Variants in ESRRB observed in about 807,000 individuals in gnomAD.
ESRRB encodes the protein steroid hormone receptor ERR2.
Under a neutral mutation model 46.0 loss-of-function variants are expected in ESRRB, and 16 were observed. The ratio of observed to expected loss-of-function variants is 0.35; its 90% CI spans 0.24 to 0.53. The LOEUF (loss-of-function observed/expected upper bound fraction) is 0.53, where lower values mean the gene tolerates loss of function less well. Ranked by LOEUF, ESRRB falls within the 20% of genes least tolerant of loss-of-function variation. ESRRB has a pLI of 0.93. For synonymous variants in ESRRB, 246 were observed against 259.6 expected, an observed-to-expected ratio of 0.95 and a Z score of 0.50; for missense variants, 488 against 607.4, an observed-to-expected ratio of 0.80 and a Z score of 2.07.
rs199640171 is a variant in ESRRB at position 76,487,505 on chromosome 14, C to CT, written c.851-3931dup. ...TAATCACATGTATTACATTAGTTAC[C>CT]TTTTTTTTTTTCTATTTTGAATCAT... On this transcript the variant is annotated intron_variant, in intron 5 of 6. Transcript: ENST00000644823. Among the ~76,000 whole-genome samples, 271 of 147,838 alleles carry CT rather than the reference C, an allele frequency of 1.8e-3. 1 individual carries two copies. The highest frequency in any genetic ancestry group is 4.5e-3 in the African/African-American group (181 of 40,496).
chr14:76,413,004 TAAAG>T (rs1886507341), intron 1 of ESRRB, among the ~76,000 whole-genome samples: 1 of 152,092 alleles, frequency 6.6e-6, no homozygotes, highest in African/African-American at 2.4e-5. Context: ...TTTAGAAAAA[TAAAG>T]AAAAGAAGGC....
At chr14:76,489,971 C>T (rs1052941630) in intron 5 of ESRRB, among the ~76,000 whole-genome samples, 10 of 152,346 alleles carry the variant, frequency 6.6e-5, no homozygotes, top group East Asian at 1.9e-4. Flanking sequence ...GTGCTGATGG[C>T]GCCGGGAGAG....
chr14:76,369,966 G>C (rs1484127359), upstream of ESRRB, among the ~76,000 whole-genome samples: 1 of 152,160 alleles, frequency 6.6e-6, no homozygotes, highest in Non-Finnish European at 1.5e-5. Context: ...TTCTTTCTGT[G>C]GCCATTGCTG....
At chr14:76,355,803 A>G (rs1884372329) in intron 1 of ESRRB, among the ~76,000 whole-genome samples, 2 of 152,182 alleles carry the variant, frequency 1.3e-5, no homozygotes, top group African/African-American at 2.4e-5. Context: ...TTAGTTCCCC[A>G]TCTTCCTCAT....
intron 3 of ESRRB, among the ~76,000 whole-genome samples, chr14:76,469,902 G>C (rs974613954): frequency 2.8e-4 from 41 of 147,992 alleles, no homozygotes; most frequent in African/African-American, 9.4e-4. Context: ...TAGTACATTA[G>C]GTAAAGACTA....
chr14:76,477,920 C>A (rs897198517), intron 3 of ESRRB, among the ~76,000 whole-genome samples: 4 of 152,152 alleles, frequency 2.6e-5, no homozygotes, highest in African/African-American at 9.7e-5. Flanking sequence ...ATCACTGAAT[C>A]TCTCTGAGCC....
In ESRRB at chr14:76,500,143, C is replaced by CT; in HGVS notation, c.*1687dup. ...TACCCCAGGAACCTCCCGGCCTGGG[C>CT]TTCTGGGCTGGGACGTGCTGAGGTC... On this transcript the variant is annotated 3_prime_UTR_variant, in exon 7 of 7. Coordinates refer to ENST00000644823, the MANE Select transcript of ESRRB (RefSeq NM_001379180.1). 7.7e-7 allele frequency: 1 copy of CT among 1,303,374 alleles called. No individual in the cohort carries two copies. Among genetic ancestry groups the CT allele is most frequent in the Non-Finnish European group, 1.1e-6 (1 of 940,250 alleles). 80.7% of individuals were successfully genotyped at this position (1,303,374 alleles called of 1,614,324 possible). A position where few individuals can be genotyped will look rare whatever the true frequency, so the allele number is the denominator to read the frequency against.
In ESRRB at chr14:76,395,372, C is replaced by T. The variant is rs114335539; in HGVS notation, c.50+18921C>T. ...ATGGATCTGAACACCACTGGCTCCC[C>T]GGGGGCTGCAGCGGGGCGTGTGGAG... is the stretch of plus-strand genomic sequence containing the variant. On this transcript the variant is annotated intron_variant, in intron 1 of 6. Transcript: ENST00000644823. Among the ~76,000 whole-genome samples the T allele has an allele frequency of 3.4e-3, 513 of 152,236 alleles. 2 individuals are homozygous for T. The highest frequency in any genetic ancestry group is 0.012 in the African/African-American group (478 of 41,546).
chr14:76,338,092 A>C (rs1249400378), intron 1 of ESRRB, among the ~76,000 whole-genome samples: 1 of 152,192 alleles, frequency 6.6e-6, no homozygotes, highest in South Asian at 2.1e-4. Context: ...CTCTCACTAA[A>C]GGAGCTTCAA....
At chr14:76,366,045 A>T (rs950432008) in intron 1 of ESRRB, among the ~76,000 whole-genome samples, 1 of 152,174 alleles carries the variant, frequency 6.6e-6, no homozygotes, top group Non-Finnish European at 1.5e-5. Flanking sequence ...TTTGCTTGTT[A>T]TTAAATGCCA....
chr14:76,424,203 T>A (rs1299466422), intron 1 of ESRRB, among the ~76,000 whole-genome samples: 1 of 152,186 alleles, frequency 6.6e-6, no homozygotes. Context: ...AAGCCCTCCA[T>A]ATGTGAGCAC....
At chr14:76,470,635 A>C (rs1040041044) in intron 3 of ESRRB, among the ~76,000 whole-genome samples, 40 of 152,206 alleles carry the variant, frequency 2.6e-4, no homozygotes, top group African/African-American at 9.2e-4. Flanking sequence ...GTATGGAAAA[A>C]GGGAATGACA....
intron 2 of ESRRB, among the ~76,000 whole-genome samples, chr14:76,455,323 C>G (rs749816238): frequency 1.3e-5 from 2 of 152,166 alleles, no homozygotes; most frequent in Non-Finnish European, 2.9e-5. Context: ...AAACTCTCTT[C>G]TATCATTTAG....
chr14:76,324,205 T>A (rs1409683891), intron 1 of ESRRB, among the ~76,000 whole-genome samples: 1 of 152,172 alleles, frequency 6.6e-6, no homozygotes, highest in African/African-American at 2.4e-5. Flanking sequence ...CCTCAGCCTA[T>A]CCAGGAGCAT....
intron 1 of ESRRB, among the ~76,000 whole-genome samples, chr14:76,399,528 G>A (rs58853114): frequency 0.054 from 8,151 of 152,206 alleles, 338 homozygotes; most frequent in East Asian, 0.13. Context: ...GCTCGCTGAT[G>A]GCAAGTCTCC....
At chr14:76,406,563 G>A (rs1886192778) in intron 1 of ESRRB, among the ~76,000 whole-genome samples, 1 of 152,092 alleles carries the variant, frequency 6.6e-6, no homozygotes, top group Non-Finnish European at 1.5e-5. Context: ...AGACAACATA[G>A]TGAAACCCCG....
At chr14:76,357,110 GAGGGATAATCTACTAGCATCCA>G (rs1884388413) in intron 1 of ESRRB, among the ~76,000 whole-genome samples, 1 of 141,566 alleles carries the variant, frequency 7.1e-6, no homozygotes, top group Non-Finnish European at 1.6e-5. Context: ...CCTCCCCAAT[GAGGGATAATCTACTAGCATCCA>G]CCACTCCTGC....
At chr14:76,489,532 C>T (rs867439238) in intron 5 of ESRRB, among the ~76,000 whole-genome samples, 1 of 151,288 alleles carries the variant, frequency 6.6e-6, no homozygotes, top group Admixed American at 6.6e-5. Context: ...AATCAAAGCT[C>T]CCCCGTGTCA....
chr14:76,366,335 T>A (rs12147739), intron 1 of ESRRB, among the ~76,000 whole-genome samples: 29,840 of 151,954 alleles, frequency 0.2, 3,621 homozygotes, highest in Non-Finnish European at 0.28. Context: ...AACACACAAA[T>A]ACATTCACCT....
Sources: allele counts gnomAD v4.1 joint callset (sites outside exome capture counted in the v4.1 genomes callset), GRCh38; gene constraint gnomAD v4.1.1; transcripts MANE v1.5; gene names NCBI Gene and HGNC (gene_info 2026-07-23, HGNC 2026-07-21).